Variants in CD276 observed in about 807,000 individuals in gnomAD.
CD276 encodes the protein CD276 molecule.
In CD276, 34 loss-of-function variants were observed where a neutral mutation model predicts 50.0. That is an observed-to-expected ratio of 0.68 (90% CI 0.52 to 0.91). CD276 has a LOEUF of 0.91. CD276 is among the 40% of genes least tolerant of loss of function. The probability of loss-of-function intolerance (pLI) is 0.00; values close to 1 mark genes in which losing one functional copy is unlikely to be tolerated. For synonymous variants in CD276, 275 were observed against 313.0 expected (o/e 0.88, Z 1.28); for missense variants, 634 against 717.5 (o/e 0.88, Z 1.33).
Position 73,707,238 on chromosome 15 carries a change from C to T in CD276, c.1370-1101C>T, listed in dbSNP as rs545722480. On this transcript the variant is annotated intron_variant, in intron 6 of 9. Coordinates refer to ENST00000318443, the MANE Select transcript of CD276 (RefSeq NM_001024736.2). Reference sequence around the variant, plus strand: ...AGCTGCTGAGGCCCTGGGTGTGCATCGTCTCCAGACAGCAAAGGAAAGCAG... The same window carrying T: ...AGCTGCTGAGGCCCTGGGTGTGCATTGTCTCCAGACAGCAAAGGAAAGCAG... 6.0e-4 allele frequency among the ~76,000 whole-genome samples: 91 copies of T among 152,348 alleles called. 1 individual carries two copies. Among genetic ancestry groups the T allele is most frequent in the Non-Finnish European group, 1.2e-3 (80 of 68,034 alleles).
chr15:73,713,608 CCACCACATG>C lies in CD276; in HGVS notation c.*656_*664del, dbSNP rs149742284. 3,942 of 338,830 alleles carry C rather than the reference CCACCACATG, an allele frequency of 0.012. 168 individuals carry two copies. The highest frequency in any genetic ancestry group is 0.083 in the African/African-American group (3,659 of 43,876). The allele number at this position is 338,830 out of a possible 1,614,324, so 21.0% of individuals were successfully genotyped here. A position where few individuals can be genotyped will look rare whatever the true frequency, so the allele number is the denominator to read the frequency against. On this transcript the variant is annotated 3_prime_UTR_variant, in exon 10 of 10. Coordinates refer to ENST00000318443, the MANE Select transcript of CD276 (RefSeq NM_001024736.2). ...CAAGTGAAGACAGGGCACTCTGCGC[CCACCACATG>C]CACAGCTGTGCATGGAGACCTGCAG...
Position 73,703,948 on chromosome 15 carries a change from C to T in CD276, c.1023C>T (p.Phe341=), listed in dbSNP as rs766977760. 6.2e-6 allele frequency: 10 copies of T among 1,612,620 alleles called. No homozygotes were observed. Among genetic ancestry groups the T allele is most frequent in the African/African-American group, 2.7e-5 (2 of 74,938 alleles). Reference sequence around the variant, plus strand: ...CGGACGAGGGCAGCTTCACCTGCTTCGTGAGCATCCGGGATTTCGGCAGCG... The same window carrying T: ...CGGACGAGGGCAGCTTCACCTGCTTTGTGAGCATCCGGGATTTCGGCAGCG... ...RVADEGSFTC[F]VSIRDFGSAA... is the part of the protein sequence containing the mutation. Residue 341 remains phenylalanine (F), a synonymous_variant, in exon 5 of 10, where the codon TTC becomes TTT. Transcript: ENST00000318443.
In CD276 at chr15:73,687,805, G is replaced by A. The variant is rs144034045; in HGVS notation, c.-55+3345G>A. Among the ~76,000 whole-genome samples, 694 of 152,278 alleles carry A rather than the reference G, an allele frequency of 4.6e-3. 4 individuals carry two copies. The highest frequency in any genetic ancestry group is 0.015 in the African/African-American group (635 of 41,536). ...TCTAGGCATAGGGAGCTTAATCTGCGGGAAGTGGAGTGAGAAGCATTTCTT... is the reference window on the plus strand; with the variant it reads ...TCTAGGCATAGGGAGCTTAATCTGCAGGAAGTGGAGTGAGAAGCATTTCTT... On this transcript the variant is annotated intron_variant, in intron 1 of 9. Transcript: ENST00000318443. The surrounding 1 kb of genome is among the most constrained non-coding windows in gnomAD (Gnocchi z 4.0).
rs532340675 is a variant in CD276, at chr15:73,710,700, G to A, written c.1547-435G>A. ...ACCTCATTCTTCATGCTCAGAGGCAGATGTAGTTGGCAGAAGGGAGGGAGT... is the reference window on the plus strand; with the variant it reads ...ACCTCATTCTTCATGCTCAGAGGCAAATGTAGTTGGCAGAAGGGAGGGAGT... On this transcript the variant is annotated intron_variant, in intron 8 of 9. Transcript: ENST00000318443. 3.3e-5 allele frequency among the ~76,000 whole-genome samples: 5 copies of A among 152,372 alleles called. No homozygotes were observed. In the South Asian group the frequency reaches 1.0e-3, roughly 32 times the overall value.
At chr15:73,705,223 C>T (rs554391698) in intron 6 of CD276, among the ~76,000 whole-genome samples, 36 of 152,286 alleles carry the variant, frequency 2.4e-4, no homozygotes, top group Non-Finnish European at 4.0e-4. Context: ...TGAGCTTTCC[C>T]AGGGACCTCG....
At chr15:73,711,236 G>A (rs1176817985) in intron 9 of CD276, 66 bp downstream of exon 9, 3 of 1,557,164 alleles carry the variant, frequency 1.9e-6, no homozygotes, top group Middle Eastern at 1.7e-4. Context: ...AGGCTGAGAG[G>A]GTGGGTAGGC....
At chr15:73,684,995 A>G (rs8032727) in intron 1 of CD276, 52,508 of 152,154 alleles carry the variant, frequency 0.35, 9,824 homozygotes, top group Non-Finnish European at 0.41. Flanking sequence ...TCCACTCTGC[A>G]GGGCCCAGCA....
chr15:73,711,045 T>A (rs1900878390), intron 8 of CD276, 90 bp from the exon 9 acceptor site: 1 of 1,394,542 alleles, frequency 7.2e-7, no homozygotes, highest in Admixed American at 1.7e-5. Flanking sequence ...TCCCGCCCCT[T>A]CCAGCCCTCA....
rs1356743708 is a variant in CD276 at position 73,703,867 on chromosome 15, C to T, written c.942C>T (p.Phe314=). 1 of 1,613,688 alleles carries T rather than the reference C, an allele frequency of 6.2e-7. No homozygotes were observed. The highest frequency in any genetic ancestry group is 2.2e-5 in the East Asian group (1 of 44,878). The change falls in exon 5 of 10, where the codon TTC becomes TTT. Residue 314 remains phenylalanine, a synonymous_variant. Transcript: ENST00000318443. ...CCTATGCCAACCGCACGGCCCTCTT[C>T]CCGGACCTGCTGGCACAAGGCAATG... ...GSAYANRTAL[F]PDLLAQGNAS...
At position 73,702,450 on chromosome 15, in the gene CD276, G is replaced by T; in HGVS notation, c.275G>T (p.Arg92Leu). 6.2e-7 allele frequency: 1 copy of T among 1,613,714 alleles called. No individual in the cohort carries two copies. Among genetic ancestry groups the T allele is most frequent in the Non-Finnish European group, 8.5e-7 (1 of 1,180,010 alleles). ...GACCAGGGCAGCGCCTATGCCAACC[G>T]CACGGCCCTCTTCCCGGACCTGCTG... Reference protein sequence around the residue: ...GQDQGSAYANRTALFPDLLAQ... With the variant: ...GQDQGSAYANLTALFPDLLAQ... Residue 92 changes from arginine to leucine, a missense_variant, in exon 3 of 10, where the codon CGC becomes CTC. By Grantham distance (102) the Arg-to-Leu change is moderately radical (BLOSUM62 -2). Coordinates refer to ENST00000318443, the MANE Select transcript of CD276 (RefSeq NM_001024736.2).
intron 1 of CD276, chr15:73,686,305 T>G: frequency 3.0e-6 from 3 of 985,150 alleles, no homozygotes; most frequent in Non-Finnish European, 2.4e-6. Context: ...TTGTCAGAGG[T>G]AAGGAGCCTG....
At chr15:73,685,451 ATTTGTG>A (rs1899711591) in intron 1 of CD276, among the ~76,000 whole-genome samples, 2 of 112,728 alleles carry the variant, frequency 1.8e-5, no homozygotes, top group African/African-American at 7.1e-5. Flanking sequence ...AGCAAAAAAG[ATTTGTG>A]TGTGTGTGTG....
rs1190370682 is a variant in CD276 at position 73,687,067 on chromosome 15, T to A, written c.-55+2607T>A. ...GGAGAGGGGTGAGGACTGGTCCACA[T>A]GATTTTTGAGAAATTGCCTTTGGTC... is the stretch of plus-strand genomic sequence containing the variant. On this transcript the variant is annotated intron_variant, in intron 1 of 9. Coordinates refer to ENST00000318443, the MANE Select transcript of CD276 (RefSeq NM_001024736.2). This position sits in a 1 kb window ranked among gnomAD's most constrained non-coding sequence, Gnocchi z 4.0. Among the ~76,000 whole-genome samples, 2 of 152,040 alleles carry A rather than the reference T, an allele frequency of 1.3e-5. No individual in the cohort carries two copies. The highest frequency in any genetic ancestry group is 1.3e-4 in the Admixed American group (2 of 15,268).
chr15:73,702,260 C>G lies in CD276; in HGVS notation c.85C>G (p.Leu29Val). ...GALWFCLTGA[L>V]EVQVPEDPVV... ...TCCACTCCCCCTACCCCCAGGAGCC[C>G]TGGAGGTCCAGGTCCCTGAAGACCC... The change falls in exon 3 of 10, where the codon CTG becomes GTG. Residue 29 changes from leucine (L) to valine (V), a missense_variant. Coordinates refer to ENST00000318443, the MANE Select transcript of CD276 (RefSeq NM_001024736.2). The G allele has an allele frequency of 6.2e-7, 1 of 1,607,790 alleles. No individual in the cohort carries two copies. The highest frequency in any genetic ancestry group is 8.5e-7 in the Non-Finnish European group (1 of 1,177,076).
Position 73,699,633 on chromosome 15 carries a change from C to T in CD276, c.-7C>T. 1 of 1,613,646 alleles carries T rather than the reference C, an allele frequency of 6.2e-7. No individual in the cohort carries two copies. The highest frequency in any genetic ancestry group is 8.5e-7 in the Non-Finnish European group (1 of 1,179,908). ...GGGAGCCCAGCTGTCAGCCGCCTCA[C>T]AGGAAGATGCTGCGTCGGCGGGGCA... On this transcript the variant is annotated 5_prime_UTR_variant, in exon 2 of 10. Transcript: ENST00000318443.
At chr15:73,706,839 A>G (rs2141577056) in intron 6 of CD276, among the ~76,000 whole-genome samples, 1 of 152,286 alleles carries the variant, frequency 6.6e-6, no homozygotes, top group South Asian at 2.1e-4. Context: ...GGCAAATGTA[A>G]TTTGTGTTCC....
intron 2 of CD276, 31 bp from the exon 3 acceptor site, chr15:73,702,224 C>G: frequency 1.3e-6 from 2 of 1,545,440 alleles, no homozygotes; most frequent in Non-Finnish European, 1.7e-6. Flanking sequence ...CTCAGTCCCC[C>G]TTATATGTTC....
intron 6 of CD276, among the ~76,000 whole-genome samples, chr15:73,707,544 G>A (rs756059277): frequency 1.3e-5 from 2 of 152,214 alleles, no homozygotes; most frequent in Non-Finnish European, 2.9e-5. Context: ...AGCCCCGTCA[G>A]TGACCTCATC....
intron 1 of CD276, among the ~76,000 whole-genome samples, chr15:73,693,080 A>G (rs951984905): frequency 6.6e-6 from 1 of 152,198 alleles, no homozygotes; most frequent in Non-Finnish European, 1.5e-5. Flanking sequence ...CAGCACAGGT[A>G]GGAACACTCC....
Sources: gnomAD v4.1 joint callset for allele counts (sites outside exome capture counted in the v4.1 genomes callset) on GRCh38, gnomAD v4.1.1 for gene constraint, Gnocchi (gnomAD v3.1) non-coding constraint, MANE v1.5 for transcripts, NCBI Gene and HGNC (gene_info 2026-07-23, HGNC 2026-07-21) for gene names.